Variants in SPATA16 observed in about 807,000 individuals in gnomAD.
The protein encoded by SPATA16 is spermatogenesis associated 16.
In SPATA16, 36 loss-of-function variants were observed where a neutral mutation model predicts 63.3. The observed-to-expected ratio is 0.57, with a 90% CI of 0.44 to 0.75. The LOEUF is 0.75. Ranked by LOEUF, SPATA16 falls within the 30% of genes least tolerant of loss-of-function variation. The pLI, the probability that SPATA16 is intolerant of heterozygous loss-of-function variation, is 0.00. For missense variants in SPATA16, 646 were observed against 679.3 expected (o/e 0.95, Z 0.54); for synonymous variants, 203 against 216.7 (o/e 0.94, Z 0.56).
intron 2 of SPATA16, among the ~76,000 whole-genome samples, chr3:173,080,770 C>G (rs1189149522): frequency 6.6e-6 from 1 of 152,150 alleles, no homozygotes; most frequent in Non-Finnish European, 1.5e-5. Flanking sequence ...GGAGGACCAA[C>G]AGTTTATAAA....
rs573370953 is a variant in SPATA16 at position 172,892,205 on chromosome 3, C to T, written c.1588-2513G>A. 1.1e-3 allele frequency among the ~76,000 whole-genome samples: 164 copies of T among 152,228 alleles called. 2 individuals are homozygous for T. Among genetic ancestry groups the T allele is most frequent in the African/African-American group, 3.7e-3 (155 of 41,544 alleles). On this transcript the variant is annotated intron_variant, in intron 10 of 10. Transcript: ENST00000351008. ...ATTGTTTAGCTTTGAGAGTGTCTTGCCTGTGTACTTGAAACAGCCAGGAGT... is the reference window on the plus strand; with the variant it reads ...ATTGTTTAGCTTTGAGAGTGTCTTGTCTGTGTACTTGAAACAGCCAGGAGT...
rs541609160 is a variant in SPATA16, at chr3:173,049,731, A to T, written c.613-637T>A. On this transcript the variant is annotated intron_variant, in intron 2 of 10. Transcript: ENST00000351008. ...AACATGGCAAGAATATGAATTCTTA[A>T]TAAAAATTCCAGGAAGTCAGTGGTT... Among the ~76,000 whole-genome samples, 9 of 152,300 alleles carry T rather than the reference A, an allele frequency of 5.9e-5. No individual in the cohort carries two copies. In the South Asian group the frequency reaches 1.9e-3, roughly 32 times the overall value.
At chr3:173,092,297 G>A (rs1737244960) in intron 2 of SPATA16, among the ~76,000 whole-genome samples, 2 of 152,176 alleles carry the variant, frequency 1.3e-5, no homozygotes, top group Non-Finnish European at 2.9e-5. Flanking sequence ...TAATTGAGAA[G>A]AAAGCAATTT....
At chr3:173,012,078 G>A (rs1735086416) in intron 4 of SPATA16, among the ~76,000 whole-genome samples, 1 of 152,112 alleles carries the variant, frequency 6.6e-6, no homozygotes, top group African/African-American at 2.4e-5. Flanking sequence ...TCCCATTTCG[G>A]CTTCTTAAAA....
chr3:172,998,833 A>G (rs1469082057), intron 4 of SPATA16, among the ~76,000 whole-genome samples: 3 of 152,186 alleles, frequency 2.0e-5, no homozygotes, highest in Non-Finnish European at 4.4e-5. Flanking sequence ...GCCTGTTGAT[A>G]TGATGGATTA....
At chr3:172,917,933 C>T (rs1423350080) in intron 8 of SPATA16, among the ~76,000 whole-genome samples, 2 of 152,224 alleles carry the variant, frequency 1.3e-5, no homozygotes, top group African/African-American at 4.8e-5. Context: ...TAAAGAAAGG[C>T]TGGCACCATC....
intron 2 of SPATA16, among the ~76,000 whole-genome samples, chr3:173,064,427 T>C (rs781099080): frequency 5.9e-5 from 9 of 152,068 alleles, no homozygotes; most frequent in Non-Finnish European, 1.2e-4. Flanking sequence ...CATGTACATT[T>C]ATAGCAGTAT....
chr3:173,050,783 G>T (rs1736069165), intron 2 of SPATA16, among the ~76,000 whole-genome samples: 1 of 152,084 alleles, frequency 6.6e-6, no homozygotes, highest in Non-Finnish European at 1.5e-5. Context: ...AAAAAAATTA[G>T]CAAAGACTAT....
At chr3:173,025,727 G>A (rs549130828) in intron 3 of SPATA16, among the ~76,000 whole-genome samples, 3 of 151,828 alleles carry the variant, frequency 2.0e-5, no homozygotes, top group South Asian at 4.2e-4. Context: ...CTATGCGTAC[G>A]GCTTCTTTCA....
chr3:173,111,865 C>G lies in SPATA16; in HGVS notation c.612+5255G>C, dbSNP rs145729067. Among the ~76,000 whole-genome samples the G allele has an allele frequency of 2.8e-3, 433 of 152,054 alleles. 5 individuals carry two copies. Among genetic ancestry groups the G allele is most frequent in the African/African-American group, 9.9e-3 (410 of 41,482 alleles). On this transcript the variant is annotated intron_variant, in intron 2 of 10. Transcript: ENST00000351008. ...AGAATGTGTTCTAGAAGAGTGATTC[C>G]CAAAAGCTGGTTCTCAGACCAATGT... is the stretch of plus-strand genomic sequence containing the variant.
intron 4 of SPATA16, among the ~76,000 whole-genome samples, chr3:172,979,111 CCTGTAGTCCCAGCTA>C (rs952066940): frequency 6.6e-6 from 1 of 152,150 alleles, no homozygotes; most frequent in Non-Finnish European, 1.5e-5. Flanking sequence ...GCGGCGGGCG[CCTGTAGTCCCAGCTA>C]CTCGGGAGGC....
intron 2 of SPATA16, among the ~76,000 whole-genome samples, chr3:173,077,014 C>T (rs531786033): frequency 2.6e-5 from 4 of 152,188 alleles, no homozygotes; most frequent in African/African-American, 7.2e-5. Context: ...AACATCTCTA[C>T]GTACATGATA....
intron 2 of SPATA16, among the ~76,000 whole-genome samples, chr3:173,067,768 A>G (rs1309816027): frequency 6.6e-6 from 1 of 152,216 alleles, no homozygotes; most frequent in Non-Finnish European, 1.5e-5. Flanking sequence ...AGAAAGTCAA[A>G]GAACGACAAG....
At chr3:173,091,099 C>A (rs554870605) in intron 2 of SPATA16, among the ~76,000 whole-genome samples, 55 of 152,286 alleles carry the variant, frequency 3.6e-4, no homozygotes, top group Non-Finnish European at 6.3e-4. Context: ...CTACCACCAT[C>A]ACTTCTGCAC....
chr3:173,124,608 A>AAAC (rs530522252), intron 1 of SPATA16, among the ~76,000 whole-genome samples: 1 of 152,196 alleles, frequency 6.6e-6, no homozygotes, highest in African/African-American at 2.4e-5. Flanking sequence ...CTTTTAAGAA[A>AAAC]AACAACAACA....
intron 2 of SPATA16, among the ~76,000 whole-genome samples, chr3:173,093,242 GTCTT>G (rs780958660): frequency 6.6e-6 from 1 of 152,112 alleles, no homozygotes; most frequent in Middle Eastern, 3.4e-3. Flanking sequence ...TTAAAAAATT[GTCTT>G]TCTTTGCTAA....
At chr3:172,904,558 A>G (rs1250303424) in intron 10 of SPATA16, among the ~76,000 whole-genome samples, 1 of 152,216 alleles carries the variant, frequency 6.6e-6, no homozygotes, top group Non-Finnish European at 1.5e-5. Context: ...TTTTCAGCCA[A>G]CAAAGCACTT....
chr3:172,912,757 A>G (rs1252272935), intron 10 of SPATA16, among the ~76,000 whole-genome samples: 1 of 152,224 alleles, frequency 6.6e-6, no homozygotes, highest in Non-Finnish European at 1.5e-5. Context: ...ATGTTACCAT[A>G]AGGCTTTCAG....
chr3:172,895,807 A>G (rs1731996527), intron 10 of SPATA16, among the ~76,000 whole-genome samples: 1 of 152,112 alleles, frequency 6.6e-6, no homozygotes, highest in African/African-American at 2.4e-5. Context: ...TTGTTTAACC[A>G]TTCATTAGTT....
Sources: gnomAD v4.1 joint callset for allele counts (sites outside exome capture counted in the v4.1 genomes callset) on GRCh38, gnomAD v4.1.1 for gene constraint, MANE v1.5 for transcripts, NCBI Gene and HGNC (gene_info 2026-07-23, HGNC 2026-07-21) for gene names.